Variants in RRP1B observed in about 807,000 individuals in gnomAD.
RRP1B encodes ribosomal RNA processing 1B, also known as ribosomal RNA processing protein 1 homolog B.
Under a neutral mutation model 80.2 loss-of-function variants are expected in RRP1B, and 56 were observed. The ratio of observed to expected loss-of-function variants is 0.70; its 90% CI spans 0.56 to 0.87. The LOEUF is 0.87. RRP1B is among the 40% of genes least tolerant of loss of function. RRP1B has a pLI of 0.00. For missense variants in RRP1B, 807 were observed against 939.8 expected (o/e 0.86, Z 1.85); for synonymous variants, 351 against 357.6 (o/e 0.98, Z 0.21).
chr21:43,684,709 G>A, intron 10 of RRP1B, 59 bp downstream of exon 10: 2 of 1,385,738 alleles, frequency 1.4e-6, no homozygotes, highest in South Asian at 2.3e-5. Flanking sequence ...ATCTCCTGGT[G>A]TGGGACAAGC....
At chr21:43,670,677 A>AT (rs142659419) in intron 2 of RRP1B, among the ~76,000 whole-genome samples, 9,470 of 149,232 alleles carry the variant, frequency 0.063, 403 homozygotes, top group South Asian at 0.12. Flanking sequence ...ACCTTATGAG[A>AT]TTTTTTTTTT....
At chr21:43,672,444 G>A (rs2083003713) in intron 3 of RRP1B, 79 bp downstream of exon 3, 3 of 1,225,176 alleles carry the variant, frequency 2.4e-6, no homozygotes, top group African/African-American at 1.5e-5. Flanking sequence ...CCGGTATTGT[G>A]TAGATGTCAG....
chr21:43,674,493 T>C (rs1400407530), intron 4 of RRP1B, 143 bp from the exon 5 acceptor site: 1 of 651,422 alleles, frequency 1.5e-6, no homozygotes, highest in Non-Finnish European at 2.6e-6. Flanking sequence ...TAAATATGAC[T>C]GTTGTGAATA....
At chr21:43,667,462 T>A (rs1246456872) in intron 1 of RRP1B, among the ~76,000 whole-genome samples, 1 of 152,072 alleles carries the variant, frequency 6.6e-6, no homozygotes, top group Non-Finnish European at 1.5e-5. Context: ...TCGCCCAAGC[T>A]CCATGGAGTA....
chr21:43,693,316 C>T lies in RRP1B; in HGVS notation c.2210C>T (p.Pro737Leu). The T allele has an allele frequency of 6.2e-7, 1 of 1,612,598 alleles. No homozygotes were observed. Among genetic ancestry groups the T allele is most frequent in the South Asian group, 1.1e-5 (1 of 90,852 alleles). The change falls in exon 16 of 16, where the codon CCC (proline) becomes CTC (leucine). Residue 737 changes from proline to leucine, a missense_variant. Physicochemically the swap from Pro to Leu is moderately conservative, Grantham distance 98. Transcript: ENST00000340648. This position sits in a 1 kb window ranked among gnomAD's most constrained non-coding sequence, Gnocchi z 4.1. Reference sequence around the variant, plus strand: ...CCCACCAGCTCACCTGCCAGCTCACCCCTGGTGGCCAAGAAGCCCCTGACC... The same window carrying T: ...CCCACCAGCTCACCTGCCAGCTCACTCCTGGTGGCCAAGAAGCCCCTGACC... ...KTPTSSPASS[P>L]LVAKKPLTTT...
At chr21:43,664,634 A>C (rs1205610300) in intron 1 of RRP1B, among the ~76,000 whole-genome samples, 2 of 152,232 alleles carry the variant, frequency 1.3e-5, no homozygotes, top group Non-Finnish European at 2.9e-5. Context: ...AGACAATCAG[A>C]GTATCTTTTC....
Position 43,686,902 on chromosome 21 carries a change from CT to C in RRP1B, c.1112del (p.Leu371Ter). On this transcript the variant is annotated frameshift_variant, in exon 12 of 16. Transcript: ENST00000340648. LOFTEE classifies it high-confidence loss of function. The part of the protein sequence containing the change: ...QGKHKKKGNK[L>X]LEKTNLEKEK... ...AAAGCATAAGAAGAAAGGAAATAAA[CT>C]TTTAGAGAAAACTAACTTGGAAAAG... 3.7e-6 allele frequency: 6 copies of C among 1,613,892 alleles called. No homozygotes were observed. Among genetic ancestry groups the C allele is most frequent in the Non-Finnish European group, 5.1e-6 (6 of 1,179,944 alleles).
In RRP1B at chr21:43,693,178, C is replaced by T. The variant is rs1260165413; in HGVS notation, c.2084-12C>T. 3 of 1,613,786 alleles carry T rather than the reference C, an allele frequency of 1.9e-6. No homozygotes were observed. Among genetic ancestry groups the T allele is most frequent in the Non-Finnish European group, 1.7e-6 (2 of 1,179,882 alleles). ...CCCACTTAATATGGGGCCTTGCTCTCATTTGGGACAGAATTCAAGAAGACA... is the reference window on the plus strand; with the variant it reads ...CCCACTTAATATGGGGCCTTGCTCTTATTTGGGACAGAATTCAAGAAGACA... On this transcript the variant is annotated splice_polypyrimidine_tract_variant and intron_variant, in intron 15 of 15. Coordinates refer to ENST00000340648, the MANE Select transcript of RRP1B (RefSeq NM_015056.3). This position sits in a 1 kb window ranked among gnomAD's most constrained non-coding sequence, Gnocchi z 4.1.
At chr21:43,667,687 T>C (rs1332597551) in intron 1 of RRP1B, among the ~76,000 whole-genome samples, 1 of 152,152 alleles carries the variant, frequency 6.6e-6, no homozygotes, top group Non-Finnish European at 1.5e-5. Flanking sequence ...AAAAAAAAAG[T>C]TACTGCAATC....
rs765185907 is a variant in RRP1B at position 43,691,413 on chromosome 21, T to C, written c.2020-26T>C. On this transcript the variant is annotated intron_variant, in intron 14 of 15. Transcript: ENST00000340648. This position sits in a 1 kb window ranked among gnomAD's most constrained non-coding sequence, Gnocchi z 4.2. ...CTCCACTGCACTTGCGTCACTCCTT[T>C]TGTTCCTGTTATTTCTCTTCTGCAG... 1.3e-5 allele frequency: 21 copies of C among 1,612,664 alleles called. No homozygotes were observed. The highest frequency in any genetic ancestry group is 1.5e-5 in the Non-Finnish European group (18 of 1,178,972).
chr21:43,690,646 T>C (rs1008036015), intron 14 of RRP1B, among the ~76,000 whole-genome samples: 3 of 151,982 alleles, frequency 2.0e-5, no homozygotes, highest in Non-Finnish European at 4.4e-5. Flanking sequence ...AAGGGGACTT[T>C]GAGGGGCGGT....
Position 43,691,472 on chromosome 21 carries a change from AC to A in RRP1B, c.2055del (p.Phe686LeufsTer3). Reference protein sequence around the residue: ...NKTPSSSKKVTFGLNRNMTAE... With the variant: ...NKTPSSSKKVXFGLNRNMTAE... ...GACACCATCCAGCTCCAAGAAAGTC[AC>A]CTTTGGGCTGAACAGAAACATGACT... On this transcript the variant is annotated frameshift_variant, in exon 15 of 16. Coordinates refer to ENST00000340648, the MANE Select transcript of RRP1B (RefSeq NM_015056.3). LOFTEE classifies it high-confidence loss of function. This position sits in a 1 kb window ranked among gnomAD's most constrained non-coding sequence, Gnocchi z 4.2. The A allele has an allele frequency of 6.2e-7, 1 of 1,613,954 alleles. No homozygotes were observed. Among genetic ancestry groups the A allele is most frequent in the Non-Finnish European group, 8.5e-7 (1 of 1,179,956 alleles).
chr21:43,693,039 TC>T lies in RRP1B; in HGVS notation c.2084-150del. The T allele has an allele frequency of 1.4e-6, 1 of 723,062 alleles. No homozygotes were observed. The highest frequency in any genetic ancestry group is 2.8e-5 in the East Asian group (1 of 35,396). The allele number at this position is 723,062 out of a possible 1,614,324, so 44.8% of individuals were successfully genotyped here. ...CACTGCCCTCCTTTCCTCAGAAGGCTCTTGGGCCTGCTCTCTGCAGGGCCTT... is the reference window on the plus strand; with the variant it reads ...CACTGCCCTCCTTTCCTCAGAAGGCTTTGGGCCTGCTCTCTGCAGGGCCTT... On this transcript the variant is annotated intron_variant, in intron 15 of 15. Transcript: ENST00000340648. This position sits in a 1 kb window ranked among gnomAD's most constrained non-coding sequence, Gnocchi z 4.1.
intron 8 of RRP1B, among the ~76,000 whole-genome samples, chr21:43,682,351 G>A (rs182222115): frequency 6.4e-4 from 98 of 152,230 alleles, no homozygotes; most frequent in African/African-American, 2.2e-3. Context: ...CCCTGATGTC[G>A]CACCACTAAT....
chr21:43,693,070 TG>T lies in RRP1B; in HGVS notation c.2084-118del. 2 of 969,272 alleles carry T rather than the reference TG, an allele frequency of 2.1e-6. No individual in the cohort carries two copies. The highest frequency in any genetic ancestry group is 3.1e-6 in the Non-Finnish European group (2 of 639,448). The allele number at this position is 969,272 out of a possible 1,614,324, so 60.0% of individuals were successfully genotyped here. ...GCCTGCTCTCTGCAGGGCCTTGAGA[TG>T]GCCCTGCTTCGTCCTAGCAAGTGGG... On this transcript the variant is annotated intron_variant, in intron 15 of 15. Coordinates refer to ENST00000340648, the MANE Select transcript of RRP1B (RefSeq NM_015056.3). The surrounding 1 kb of genome is among the most constrained non-coding windows in gnomAD (Gnocchi z 4.1).
At chr21:43,680,282 G>C (rs1475666736) in intron 8 of RRP1B, among the ~76,000 whole-genome samples, 1 of 152,144 alleles carries the variant, frequency 6.6e-6, no homozygotes, top group African/African-American at 2.4e-5. Flanking sequence ...AGGGTCGGCC[G>C]GGCGCGGTGG....
At position 43,690,352 on chromosome 21, in the gene RRP1B, A is replaced by G; in HGVS notation, c.1931A>G (p.Lys644Arg). 1 of 1,614,204 alleles carries G rather than the reference A, an allele frequency of 6.2e-7. No homozygotes were observed. Among genetic ancestry groups the G allele is most frequent in the Non-Finnish European group, 8.5e-7 (1 of 1,180,024 alleles). Residue 644 changes from lysine to arginine, a missense_variant, in exon 14 of 16, where the codon AAG becomes AGG. Transcript: ENST00000340648. The stretch of plus-strand genomic sequence containing the variant: ...CTGAGGGCAGAGAGCGACTTTGTGA[A>G]GTTTGACACCCCCTTCTTACCAAAG... ...QKLRAESDFVKFDTPFLPKPL... is the reference protein window; with the variant it reads ...QKLRAESDFVRFDTPFLPKPL...
In RRP1B at chr21:43,693,408, G is replaced by T. The variant is rs1030044450; in HGVS notation, c.*25G>T. 7 of 1,513,644 alleles carry T rather than the reference G, an allele frequency of 4.6e-6. No homozygotes were observed. The highest frequency in any genetic ancestry group is 2.5e-5 in the Admixed American group (1 of 39,316). 93.8% of individuals were successfully genotyped at this position (1,513,644 alleles called of 1,614,324 possible). A position where few individuals can be genotyped will look rare whatever the true frequency, so the allele number is the denominator to read the frequency against. ...AGGAGCAGCAGAGTCCCTTGTAAAA[G>T]ACTGCTTTTGTACAGAATGCGCTAT... On this transcript the variant is annotated 3_prime_UTR_variant, in exon 16 of 16. Coordinates refer to ENST00000340648, the MANE Select transcript of RRP1B (RefSeq NM_015056.3). This position sits in a 1 kb window ranked among gnomAD's most constrained non-coding sequence, Gnocchi z 4.1.
At chr21:43,675,608 G>T (rs965554972) in intron 6 of RRP1B, among the ~76,000 whole-genome samples, 2 of 152,170 alleles carry the variant, frequency 1.3e-5, no homozygotes, top group Non-Finnish European at 2.9e-5. Flanking sequence ...CAGGTGTTTT[G>T]CAGGGAACAT....
Sources: gnomAD v4.1 joint callset for allele counts (sites outside exome capture counted in the v4.1 genomes callset) on GRCh38, gnomAD v4.1.1 for gene constraint, Gnocchi (gnomAD v3.1) non-coding constraint, MANE v1.5 for transcripts, NCBI Gene and HGNC (gene_info 2026-07-23, HGNC 2026-07-21) for gene names.